The following TENM2 variants were observed in gnomAD, a reference collection of about 807,000 sequenced individuals.
The protein encoded by TENM2 is teneurin transmembrane protein 2, also known as teneurin-2.
TENM2 carries 52 observed loss-of-function variants against 245.2 expected under a neutral mutation model. That is an observed-to-expected ratio of 0.21 (90% CI 0.17 to 0.27). TENM2 has a LOEUF of 0.27. Among genes scored for constraint, TENM2 ranks in the 10% least tolerant of loss-of-function variants. The pLI is 1.00. For synonymous variants in TENM2, 1,363 were observed against 1,438.9 expected (o/e 0.95, Z 1.19); for missense variants, 3,046 against 3,666.8 (o/e 0.83, Z 4.37).
chr5:168,238,284 G>GAAAAGAAAAGAAAAGA, intron 25 of TENM2, among the ~76,000 whole-genome samples: 1 of 146,704 alleles, frequency 6.8e-6, no homozygotes, highest in Non-Finnish European at 1.5e-5. Flanking sequence ...GAAAAGAAAA[G>GAAAAGAAAAGAAAAGA]AAAAGAAAAG....
chr5:168,214,148 T>A (rs140201224), intron 20 of TENM2, among the ~76,000 whole-genome samples: 171 of 152,246 alleles, frequency 1.1e-3, no homozygotes, highest in African/African-American at 4.0e-3. Context: ...ACCAGCTGGG[T>A]CAGAATTGAG....
At chr5:167,104,022 A>G in the TENM2 span, among the ~76,000 whole-genome samples, 1 of 152,124 alleles carries the variant, frequency 6.6e-6, no homozygotes, top group Admixed American at 6.5e-5. Context: ...ACTCCTGTCA[A>G]CTTACCAAAT....
intron 2 of TENM2, among the ~76,000 whole-genome samples, chr5:167,768,005 G>A (rs1010729269): frequency 2.6e-5 from 4 of 152,180 alleles, no homozygotes; most frequent in East Asian, 1.9e-4. Context: ...CAGTGTGAAC[G>A]TGGCTTGTCT....
the TENM2 span, among the ~76,000 whole-genome samples, chr5:167,223,535 T>C: frequency 1.3e-5 from 2 of 152,164 alleles, no homozygotes; most frequent in Admixed American, 6.5e-5. Flanking sequence ...TCTTTTTTAA[T>C]GGCCAGATAA....
intron 2 of TENM2, among the ~76,000 whole-genome samples, chr5:167,652,524 A>G (rs1432621076): frequency 6.6e-5 from 10 of 152,194 alleles, no homozygotes; most frequent in African/African-American, 1.7e-4. Context: ...TCCCCCTTGA[A>G]TCATCCCCCT....
the TENM2 span, among the ~76,000 whole-genome samples, chr5:167,144,210 G>C: frequency 7.2e-5 from 11 of 152,060 alleles, no homozygotes; most frequent in African/African-American, 2.4e-5. Flanking sequence ...GGAGCGGTTC[G>C]CATTTGTGTG....
intron 3 of TENM2, among the ~76,000 whole-genome samples, chr5:167,915,785 G>C (rs1166694256): frequency 1.3e-5 from 2 of 152,154 alleles, no homozygotes; most frequent in Non-Finnish European, 2.9e-5. Flanking sequence ...AACATACTCA[G>C]CATTTTATTT....
At chr5:167,396,390 A>G (rs1189297883) in intron 2 of TENM2, among the ~76,000 whole-genome samples, 1 of 152,184 alleles carries the variant, frequency 6.6e-6, no homozygotes, top group Non-Finnish European at 1.5e-5. Context: ...ATTCAATTAT[A>G]TGAAGTATCT....
intron 2 of TENM2, among the ~76,000 whole-genome samples, chr5:167,381,436 G>T (rs571163159): frequency 1.3e-5 from 2 of 152,258 alleles, no homozygotes; most frequent in African/African-American, 4.8e-5. Flanking sequence ...TAGTCTACAG[G>T]CTGAATCCAG....
intron 6 of TENM2, among the ~76,000 whole-genome samples, chr5:168,055,785 C>T (rs761713164): frequency 6.6e-6 from 1 of 152,136 alleles, no homozygotes; most frequent in Non-Finnish European, 1.5e-5. Context: ...CATGCAGAAG[C>T]ACCCCAAAAT....
At chr5:167,589,224 A>G (rs945978559) in intron 2 of TENM2, among the ~76,000 whole-genome samples, 2 of 151,392 alleles carry the variant, frequency 1.3e-5, no homozygotes, top group Non-Finnish European at 2.9e-5. Context: ...AATTAATGAT[A>G]CTTAGGTTTC....
chr5:167,838,674 C>T (rs956442336), intron 2 of TENM2, among the ~76,000 whole-genome samples: 9 of 152,130 alleles, frequency 5.9e-5, no homozygotes, highest in East Asian at 1.9e-4. Context: ...CTATCTCAGC[C>T]GATTCTTTGC....
At chr5:167,368,800 C>T (rs6859502) in intron 1 of TENM2, among the ~76,000 whole-genome samples, 28,757 of 151,848 alleles carry the variant, frequency 0.19, 3,008 homozygotes, top group Non-Finnish European at 0.24. Flanking sequence ...CCCTCCCCTA[C>T]CCCCACCCCA....
intron 3 of TENM2, among the ~76,000 whole-genome samples, chr5:167,940,759 C>T (rs1779113511): frequency 6.6e-6 from 1 of 152,200 alleles, no homozygotes; most frequent in African/African-American, 2.4e-5. Context: ...AATTCCTACA[C>T]ACCACACAAG....
chr5:167,899,576 A>G (rs1775520694), intron 3 of TENM2, among the ~76,000 whole-genome samples: 1 of 152,216 alleles, frequency 6.6e-6, no homozygotes, highest in East Asian at 1.9e-4. Flanking sequence ...GCACAAGGTT[A>G]CACAGATAAA....
chr5:167,724,902 A>G (rs1020524549), intron 2 of TENM2, among the ~76,000 whole-genome samples: 1 of 152,206 alleles, frequency 6.6e-6, no homozygotes, highest in Non-Finnish European at 1.5e-5. Flanking sequence ...GGATTACGGC[A>G]GGTAAGCTCT....
intron 2 of TENM2, among the ~76,000 whole-genome samples, chr5:167,802,271 C>A (rs77842174): frequency 1.3e-5 from 2 of 152,076 alleles, no homozygotes; most frequent in South Asian, 2.1e-4. Context: ...AAGTGAGGGA[C>A]GCTTCATTGT....
At chr5:168,173,787 A>C (rs535282683) in intron 13 of TENM2, among the ~76,000 whole-genome samples, 1 of 152,342 alleles carries the variant, frequency 6.6e-6, no homozygotes, top group Non-Finnish European at 1.5e-5. Context: ...CCATAATAGA[A>C]GTAAGGCCAA....
At chr5:168,129,701 C>G (rs1355728683) in intron 12 of TENM2, 1 of 152,130 alleles carries the variant, frequency 6.6e-6, no homozygotes, top group Non-Finnish European at 1.5e-5. Context: ...GCCCCCAGAG[C>G]TGCTTTGGGG....
Sources: allele counts gnomAD v4.1 joint callset (sites outside exome capture counted in the v4.1 genomes callset), GRCh38; gene constraint gnomAD v4.1.1; transcripts MANE v1.5; gene names NCBI Gene and HGNC (gene_info 2026-07-23, HGNC 2026-07-21).